CHST9: variants seen among roughly 807,000 people sequenced by gnomAD.
CHST9 encodes carbohydrate sulfotransferase 9, also known as GalNAc-4-sulfotransferase 2.
In CHST9, 41 loss-of-function variants were observed where a neutral mutation model predicts 44.4. That is an observed-to-expected ratio of 0.92 (90% CI 0.72 to 1.20). The LOEUF (loss-of-function observed/expected upper bound fraction) is 1.20, where lower values mean the gene tolerates loss of function less well. CHST9 is among the 50% of genes most tolerant of loss of function. The pLI is 0.00. For synonymous variants in CHST9, 171 were observed against 178.4 expected (o/e 0.96, Z 0.33); for missense variants, 504 against 516.5 (o/e 0.98, Z 0.23).
intron 1 of CHST9, among the ~76,000 whole-genome samples, chr18:27,184,903 C>T (rs899141234): frequency 6.6e-6 from 1 of 152,104 alleles, no homozygotes; most frequent in Non-Finnish European, 1.5e-5. Flanking sequence ...TCCCGCCCCC[C>T]ACCTCCCGCC....
chr18:27,158,286 GA>G (rs2058714518), intron 1 of CHST9, among the ~76,000 whole-genome samples: 2 of 147,972 alleles, frequency 1.4e-5, no homozygotes, highest in Admixed American at 1.4e-4. Context: ...CCCAGTGTGT[GA>G]TGTTCCCCTT....
At chr18:27,142,571 A>C in intron 2 of CHST9, 118 bp downstream of exon 2, 2 of 728,616 alleles carry the variant, frequency 2.7e-6, no homozygotes, top group African/African-American at 1.8e-5. Context: ...CTTATGACTC[A>C]TTTTTTGTTG....
intron 2 of CHST9, among the ~76,000 whole-genome samples, chr18:27,089,028 C>T (rs2058040702): frequency 1.3e-5 from 2 of 152,208 alleles, no homozygotes; most frequent in Non-Finnish European, 2.9e-5. Flanking sequence ...AAGCTAACAG[C>T]CTGGTTAGTT....
intron 2 of CHST9, among the ~76,000 whole-genome samples, chr18:27,129,716 C>T (rs1196005625): frequency 6.6e-6 from 1 of 152,084 alleles, no homozygotes; most frequent in African/African-American, 2.4e-5. Context: ...AAAAGAATAC[C>T]TCAGTTTGAA....
intron 3 of CHST9, among the ~76,000 whole-genome samples, chr18:27,033,179 A>G (rs1372889063): frequency 6.6e-6 from 1 of 152,192 alleles, no homozygotes. Flanking sequence ...AGTGTTCACT[A>G]ATCTTGGAGT....
intron 4 of CHST9, among the ~76,000 whole-genome samples, chr18:27,005,863 G>C (rs1399318370): frequency 6.6e-6 from 1 of 152,118 alleles, no homozygotes; most frequent in African/African-American, 2.4e-5. Flanking sequence ...CACTAATATT[G>C]ATGTAAGCAT....
chr18:26,907,395 C>T lies in CHST9; in HGVS notation c.*8864G>A, dbSNP rs531037254. On this transcript the variant is annotated 3_prime_UTR_variant, in exon 6 of 6. Coordinates refer to ENST00000618847, the MANE Select transcript of CHST9 (RefSeq NM_031422.6). ...TTTGGTCATGTTGAGTTGGAAGCTCCAGTGAGACATCTAGATGAAGCAGTC... is the reference window on the plus strand; with the variant it reads ...TTTGGTCATGTTGAGTTGGAAGCTCTAGTGAGACATCTAGATGAAGCAGTC... The T allele has an allele frequency of 6.6e-6, 1 of 152,344 alleles. No homozygotes were observed. The highest frequency in any genetic ancestry group is 2.1e-4 in the South Asian group (1 of 4,816). The allele number at this position is 152,344 out of a possible 1,614,324, so 9.4% of individuals were successfully genotyped here. A position where few individuals can be genotyped will look rare whatever the true frequency, so the allele number is the denominator to read the frequency against.
chr18:26,921,379 G>A (rs914971531), intron 5 of CHST9, among the ~76,000 whole-genome samples: 1 of 152,182 alleles, frequency 6.6e-6, no homozygotes, highest in Non-Finnish European at 1.5e-5. Flanking sequence ...TTTATTGAGT[G>A]CTAGTAAGTT....
chr18:27,176,390 G>T (rs2143969778), intron 1 of CHST9, among the ~76,000 whole-genome samples: 1 of 152,110 alleles, frequency 6.6e-6, no homozygotes, highest in Middle Eastern at 3.4e-3. Flanking sequence ...AAAGGATGGT[G>T]AATGCTTACA....
intron 4 of CHST9, among the ~76,000 whole-genome samples, chr18:26,969,648 T>C (rs940153109): frequency 6.6e-6 from 1 of 152,074 alleles, no homozygotes; most frequent in Admixed American, 6.5e-5. Context: ...TACAAACAAT[T>C]AGCAAATAAG....
At chr18:26,994,256 T>C (rs1428243299) in intron 4 of CHST9, among the ~76,000 whole-genome samples, 4 of 152,228 alleles carry the variant, frequency 2.6e-5, no homozygotes, top group Non-Finnish European at 5.9e-5. Context: ...TCAATGTATA[T>C]ATTTAAAAGA....
rs1568087229 is a variant in CHST9 at position 26,914,898 on chromosome 18, A to G, written c.*1361T>C. 5.0e-6 allele frequency: 2 copies of G among 397,744 alleles called. No homozygotes were observed. The highest frequency in any genetic ancestry group is 4.1e-5 in the African/African-American group (2 of 48,572). 24.6% of individuals were successfully genotyped at this position (397,744 alleles called of 1,614,324 possible). ...TTAAGCAGGGTTTGAAAGACTTGTG[A>G]TTTTCTTAACTCGGGGTAAAAGTCG... On this transcript the variant is annotated 3_prime_UTR_variant, in exon 6 of 6. Transcript: ENST00000618847.
intron 2 of CHST9, among the ~76,000 whole-genome samples, chr18:27,080,047 A>G (rs1598706439): frequency 6.6e-6 from 1 of 151,924 alleles, no homozygotes; most frequent in Non-Finnish European, 1.5e-5. Flanking sequence ...TATCTTTGGG[A>G]GCCCTTATTC....
At chr18:27,092,346 CA>C (rs1427668991) in intron 2 of CHST9, among the ~76,000 whole-genome samples, 2 of 151,662 alleles carry the variant, frequency 1.3e-5, no homozygotes, top group Non-Finnish European at 1.5e-5. Flanking sequence ...TTTTCTTTAT[CA>C]GTCTTGCTAG....
At position 27,091,522 on chromosome 18, in the gene CHST9, C is replaced by T. The variant is rs545448206; in HGVS notation, c.122-43019G>A. 1.1e-4 allele frequency among the ~76,000 whole-genome samples: 17 copies of T among 152,232 alleles called. No individual in the cohort carries two copies. The South Asian group carries it at 3.1e-3, about 28-fold the overall frequency. ...TGAGAGAGGGCATCTTTGCCTTGTGCTGGTTTTCAAAGGGAATGCTTCCAG... is the reference window on the plus strand; with the variant it reads ...TGAGAGAGGGCATCTTTGCCTTGTGTTGGTTTTCAAAGGGAATGCTTCCAG... On this transcript the variant is annotated intron_variant, in intron 2 of 5. Coordinates refer to ENST00000618847, the MANE Select transcript of CHST9 (RefSeq NM_031422.6).
At chr18:27,100,935 A>G (rs997358168) in intron 2 of CHST9, among the ~76,000 whole-genome samples, 14 of 152,166 alleles carry the variant, frequency 9.2e-5, no homozygotes, top group Non-Finnish European at 1.5e-4. Flanking sequence ...GACAGAGGAG[A>G]TTGTTGCAGC....
intron 2 of CHST9, among the ~76,000 whole-genome samples, chr18:27,049,377 G>A (rs1298772923): frequency 6.6e-6 from 1 of 152,102 alleles, no homozygotes; most frequent in African/African-American, 2.4e-5. Context: ...ATGAGGCTGG[G>A]AATAACAAGT....
At chr18:27,164,150 A>T (rs2058771342) in intron 1 of CHST9, among the ~76,000 whole-genome samples, 1 of 152,212 alleles carries the variant, frequency 6.6e-6, no homozygotes, top group Admixed American at 6.5e-5. Flanking sequence ...AAGGCAACAG[A>T]TTATCAGAAC....
intron 1 of CHST9, 136 bp downstream of exon 1, chr18:27,185,000 G>C (rs942311089): frequency 1.3e-5 from 2 of 152,354 alleles, no homozygotes; most frequent in Non-Finnish European, 2.9e-5. Flanking sequence ...CATCTCCAGC[G>C]GCGAAGCACC....
Sources: allele counts gnomAD v4.1 joint callset (sites outside exome capture counted in the v4.1 genomes callset), GRCh38; gene constraint gnomAD v4.1.1; transcripts MANE v1.5; gene names NCBI Gene and HGNC (gene_info 2026-07-23, HGNC 2026-07-21).